The following SIPA1L2 variants were observed in gnomAD, a reference collection of about 807,000 sequenced individuals.
SIPA1L2 encodes signal induced proliferation associated 1 like 2.
Under a neutral mutation model 163.9 loss-of-function variants are expected in SIPA1L2, and 56 were observed. The ratio of observed to expected loss-of-function variants is 0.34; its 90% CI spans 0.28 to 0.43. SIPA1L2 has a LOEUF of 0.43. Ranked by LOEUF, SIPA1L2 falls within the 20% of genes least tolerant of loss-of-function variation. The pLI is 1.00. For missense variants in SIPA1L2, 1,974 were observed against 2,193.5 expected, an observed-to-expected ratio of 0.90 and a Z score of 2.00; for synonymous variants, 877 against 865.7, an observed-to-expected ratio of 1.01 and a Z score of -0.23.
chr1:232,419,499 C>G (rs748607970), intron 18 of SIPA1L2, among the ~76,000 whole-genome samples: 1 of 152,076 alleles, frequency 6.6e-6, no homozygotes, highest in Non-Finnish European at 1.5e-5. Flanking sequence ...TGGGTGGATC[C>G]CTCATGGCTT....
intron 5 of SIPA1L2, among the ~76,000 whole-genome samples, chr1:232,490,226 C>T (rs1665856179): frequency 1.3e-5 from 2 of 152,116 alleles, no homozygotes; most frequent in Admixed American, 1.3e-4. Flanking sequence ...AGTCATAGTT[C>T]CTAAAACAGC....
rs368816599 is a variant in SIPA1L2 at position 232,455,641 on chromosome 1, C to T, written c.3095+5246G>A. Among the ~76,000 whole-genome samples, 21 of 104,298 alleles carry T rather than the reference C, an allele frequency of 2.0e-4. 1 individual carries two copies. The highest frequency in any genetic ancestry group is 8.3e-4 in the African/African-American group (20 of 24,034). 68.4% of individuals were successfully genotyped at this position (104,298 alleles called of 152,430 possible). A position where few individuals can be genotyped will look rare whatever the true frequency, so the allele number is the denominator to read the frequency against. On this transcript the variant is annotated intron_variant, in intron 10 of 22. Coordinates refer to ENST00000674635, the MANE Select transcript of SIPA1L2 (RefSeq NM_020808.5). ...GCTTGCAGCGAGGCGGAGCTTGCAGCGAGCCGGAGCTTGCAGTGAGCCGAG... is the reference window on the plus strand; with the variant it reads ...GCTTGCAGCGAGGCGGAGCTTGCAGTGAGCCGGAGCTTGCAGTGAGCCGAG...
intron 2 of SIPA1L2, among the ~76,000 whole-genome samples, chr1:232,562,442 C>G (rs1659094612): frequency 6.6e-6 from 1 of 152,120 alleles, no homozygotes; most frequent in Non-Finnish European, 1.5e-5. Flanking sequence ...CACAGGAATT[C>G]TAACACACCG....
rs368861724 is a variant in SIPA1L2 at position 232,461,009 on chromosome 1, G to T, written c.2973C>A (p.Leu991=). Reference sequence around the variant, plus strand: ...CCACGGCTACTTTGCAGATCTCCACGAGGCGGCTCCCTTGGCGAAGGCCAG... The same window carrying T: ...CCACGGCTACTTTGCAGATCTCCACTAGGCGGCTCCCTTGGCGAAGGCCAG... ...WKAGLRQGSR[L]VEICKVAVAT... is the part of the protein sequence containing the mutation. Residue 991 remains leucine, a synonymous_variant, in exon 10 of 23, where the codon CTC becomes CTA. Coordinates refer to ENST00000674635, the MANE Select transcript of SIPA1L2 (RefSeq NM_020808.5). The T allele has an allele frequency of 6.2e-7, 1 of 1,614,286 alleles. No individual in the cohort carries two copies. The highest frequency in any genetic ancestry group is 8.5e-7 in the Non-Finnish European group (1 of 1,180,048).
intron 13 of SIPA1L2, 39 bp from the exon 14 acceptor site, chr1:232,441,433 C>T: frequency 6.7e-7 from 1 of 1,495,362 alleles, no homozygotes; most frequent in South Asian, 1.2e-5. Flanking sequence ...TTCCAATTTC[C>T]AGTATTACCA....
At chr1:232,621,425 A>G (rs1573188087) in intron 1 of SIPA1L2, among the ~76,000 whole-genome samples, 1 of 152,086 alleles carries the variant, frequency 6.6e-6, no homozygotes, top group East Asian at 1.9e-4. Flanking sequence ...ATTTATTGAA[A>G]CCTACCATAC....
chr1:232,574,019 G>A (rs988771812), intron 2 of SIPA1L2, among the ~76,000 whole-genome samples, 155 bp downstream of exon 2: 1 of 152,088 alleles, frequency 6.6e-6, no homozygotes, highest in East Asian at 1.9e-4. Flanking sequence ...GCTCACCCAT[G>A]TATTTGCTGT....
chr1:232,529,383 C>T (rs1407412166), intron 2 of SIPA1L2, among the ~76,000 whole-genome samples: 1 of 152,184 alleles, frequency 6.6e-6, no homozygotes, highest in Non-Finnish European at 1.5e-5. Context: ...TAACGGTATA[C>T]ATTATATTCA....
chr1:232,543,954 G>A lies in SIPA1L2; in HGVS notation c.-269-28346C>T, dbSNP rs568069064. Reference sequence around the variant, plus strand: ...CAACAGTAAGCCATTAGTAAATTTTGGAGGGAGGGGGTTGGTGCCCCTAAC... The same window carrying A: ...CAACAGTAAGCCATTAGTAAATTTTAGAGGGAGGGGGTTGGTGCCCCTAAC... On this transcript the variant is annotated intron_variant, in intron 2 of 22. Transcript: ENST00000674635. 1.3e-3 allele frequency among the ~76,000 whole-genome samples: 200 copies of A among 152,274 alleles called. 1 individual carries two copies. Among genetic ancestry groups the A allele is most frequent in the African/African-American group, 4.3e-3 (179 of 41,544 alleles).
chr1:232,406,604 G>T (rs980798253), intron 19 of SIPA1L2, among the ~76,000 whole-genome samples: 1 of 152,164 alleles, frequency 6.6e-6, no homozygotes, highest in South Asian at 2.1e-4. Flanking sequence ...TGGATTGGTG[G>T]GGGTGAATGG....
At chr1:232,513,556 T>C (rs1332077500) in intron 3 of SIPA1L2, among the ~76,000 whole-genome samples, 1 of 152,164 alleles carries the variant, frequency 6.6e-6, no homozygotes, top group African/African-American at 2.4e-5. Flanking sequence ...GGATGAAATC[T>C]AAATCAAGTC....
At chr1:232,441,205 T>C in intron 14 of SIPA1L2, 86 bp downstream of exon 14, 2 of 991,694 alleles carry the variant, frequency 2.0e-6, no homozygotes, top group Non-Finnish European at 1.5e-6. Flanking sequence ...CTCTTGAGCA[T>C]CCCCAGGAAT....
rs954244874 is a variant in SIPA1L2 at position 232,563,808 on chromosome 1, G to A, written c.-270+10366C>T. 6.6e-5 allele frequency among the ~76,000 whole-genome samples: 10 copies of A among 150,548 alleles called. No homozygotes were observed. The South Asian group carries it at 1.1e-3, about 16-fold the overall frequency. ...CCGCTTCCTGCAGCCTCTGCCTCCC[G>A]GGTTCAAGCGATTCTCCTGCCTCAG... On this transcript the variant is annotated intron_variant, in intron 2 of 22. Transcript: ENST00000674635.
intron 17 of SIPA1L2, 47 bp from the exon 18 acceptor site, chr1:232,425,855 G>A (rs762781300): frequency 1.6e-5 from 24 of 1,517,982 alleles, no homozygotes; most frequent in Middle Eastern, 1.7e-4. Context: ...TTAAAAAAAC[G>A]AATGCACGGG....
intron 3 of SIPA1L2, among the ~76,000 whole-genome samples, chr1:232,498,515 A>C (rs1024749860): frequency 5.9e-5 from 9 of 152,238 alleles, no homozygotes; most frequent in Non-Finnish European, 8.8e-5. Flanking sequence ...GGAGCTCAGA[A>C]GTCAGTTTCA....
intron 2 of SIPA1L2, among the ~76,000 whole-genome samples, chr1:232,520,139 G>A (rs1308844405): frequency 2.0e-5 from 3 of 152,176 alleles, no homozygotes; most frequent in Non-Finnish European, 4.4e-5. Context: ...TCTACATACA[G>A]TTTTCTTTCT....
chr1:232,413,990 C>G (rs1661102098), intron 19 of SIPA1L2, among the ~76,000 whole-genome samples: 1 of 152,022 alleles, frequency 6.6e-6, no homozygotes, highest in Non-Finnish European at 1.5e-5. Flanking sequence ...TGGGTCATGC[C>G]CAAGAAAGTG....
At chr1:232,449,377 G>A in intron 10 of SIPA1L2, among the ~76,000 whole-genome samples, 1 of 152,136 alleles carries the variant, frequency 6.6e-6, no homozygotes, top group African/African-American at 2.4e-5. Flanking sequence ...AATTGGCCGG[G>A]CACGGTGGTG....
At chr1:232,414,523 AT>A (rs998540309) in intron 19 of SIPA1L2, among the ~76,000 whole-genome samples, 72 of 152,298 alleles carry the variant, frequency 4.7e-4, no homozygotes, top group African/African-American at 1.5e-3. Context: ...GGGAAAAGAA[AT>A]GGGGAGTGAG....
Sources: gnomAD v4.1 joint callset for allele counts (sites outside exome capture counted in the v4.1 genomes callset) on GRCh38, gnomAD v4.1.1 for gene constraint, MANE v1.5 for transcripts, NCBI Gene and HGNC (gene_info 2026-07-23, HGNC 2026-07-21) for gene names.